The following FN1 variants were observed in gnomAD, a reference collection of about 807,000 sequenced individuals.
FN1 encodes fibronectin 1.
FN1 carries 106 observed loss-of-function variants against 297.3 expected under a neutral mutation model. The observed-to-expected ratio is 0.36, with a 90% CI of 0.30 to 0.42. The LOEUF (loss-of-function observed/expected upper bound fraction) is 0.42, where lower values mean the gene tolerates loss of function less well. Among genes scored for constraint, FN1 ranks in the 10% least tolerant of loss-of-function variants. The pLI is 1.00. For missense variants in FN1, 2,690 were observed against 3,124.9 expected (o/e 0.86, Z 3.32); for synonymous variants, 1,149 against 1,152.6 (o/e 1.00, Z 0.06).
At position 215,428,482 on chromosome 2, in the gene FN1, C is replaced by T. The variant is rs138434009; in HGVS notation, c.686-144G>A. The T allele has an allele frequency of 4.0e-5, 30 of 746,572 alleles. 1 individual carries two copies. In the Middle Eastern group the frequency reaches 9.9e-4, roughly 25 times the overall value. The allele number at this position is 746,572 out of a possible 1,614,324, so 46.2% of individuals were successfully genotyped here. On this transcript the variant is annotated intron_variant, in intron 5 of 45. Coordinates refer to ENST00000354785, the MANE Select transcript of FN1 (RefSeq NM_212482.4). ...TCAGCTCTGGTGCTGCAAGGTATTACACTTCTGAAAGATGAAATTACATTT... is the reference window on the plus strand; with the variant it reads ...TCAGCTCTGGTGCTGCAAGGTATTATACTTCTGAAAGATGAAATTACATTT...
At chr2:215,392,701 G>C (rs1246945414) in intron 25 of FN1, 1 of 573,786 alleles carries the variant, frequency 1.7e-6, no homozygotes, top group Non-Finnish European at 3.1e-6. Flanking sequence ...TATTTCTCTA[G>C]CTTTATATCT....
At position 215,370,446 on chromosome 2, in the gene FN1, T is replaced by C. The variant is rs759501699; in HGVS notation, c.6715-14A>G. The C allele has an allele frequency of 3.1e-6, 5 of 1,610,850 alleles. No individual in the cohort carries two copies. The highest frequency in any genetic ancestry group is 3.3e-4 in the Middle Eastern group (2 of 6,054). On this transcript the variant is annotated splice_polypyrimidine_tract_variant and intron_variant, in intron 40 of 45. Transcript: ENST00000354785. ...AGGAACCCTGAACTGCAATTATCGG[T>C]ACATCCAAAGCAGAGAGAAAGCATT...
At chr2:215,371,579 A>G (rs1260388977) in intron 40 of FN1, among the ~76,000 whole-genome samples, 1 of 150,516 alleles carries the variant, frequency 6.6e-6, no homozygotes, top group South Asian at 2.1e-4. Flanking sequence ...ACTCTCTGGT[A>G]TGTCCTCCAA....
rs1190478574 is a variant in FN1 at position 215,401,235 on chromosome 2, AAAGAAAGAAAGAAAGG to A, written c.3254-1900_3254-1885del. On this transcript the variant is annotated intron_variant, in intron 20 of 45. Transcript: ENST00000354785. Reference sequence around the variant, plus strand: ...GAAAGAAAGAAAGAAAGAAAGAAAGAAAGAAAGAAAGAAAGGAAGAAAGAAAGGAAGGAAAGGAAAG... The same window carrying A: ...GAAAGAAAGAAAGAAAGAAAGAAAGAAAGAAAGAAAGGAAGGAAAGGAAAG... 3.9e-3 allele frequency among the ~76,000 whole-genome samples: 229 copies of A among 58,110 alleles called. 8 individuals carry two copies. Among genetic ancestry groups the A allele is most frequent in the African/African-American group, 0.013 (194 of 14,958 alleles). The allele number at this position is 58,110 out of a possible 152,430, so 38.1% of individuals were successfully genotyped here.
chr2:215,367,853 A>AACT lies in FN1; in HGVS notation c.7018+7_7018+9dup. 1 of 1,613,814 alleles carries AACT rather than the reference A, an allele frequency of 6.2e-7. No homozygotes were observed. Among genetic ancestry groups the AACT allele is most frequent in the Non-Finnish European group, 8.5e-7 (1 of 1,179,736 alleles). On this transcript the variant is annotated intron_variant, in intron 42 of 45. Transcript: ENST00000354785. ...AAACACGGAAGTGGATGGACAAAGC[A>AACT]ACTACTCACTAGATGAATCACATCT...
At chr2:215,363,180 T>C (rs2053841555) in intron 44 of FN1, 1 of 152,206 alleles carries the variant, frequency 6.6e-6, no homozygotes. Context: ...TTTCCACTCC[T>C]GTCTTAAATG....
intron 40 of FN1, 116 bp downstream of exon 40, chr2:215,371,793 G>A (rs1019912327): frequency 3.3e-5 from 29 of 877,270 alleles, no homozygotes; most frequent in African/African-American, 2.0e-4. Flanking sequence ...GATTACAGGC[G>A]TGAGCCATCA....
chr2:215,365,090 G>A (rs968242962), intron 43 of FN1, 105 bp from the exon 44 acceptor site: 15 of 751,112 alleles, frequency 2.0e-5, no homozygotes, highest in East Asian at 1.1e-4. Flanking sequence ...TCATCACAGC[G>A]CAAACACCAC....
At position 215,394,711 on chromosome 2, in the gene FN1, C is replaced by T; in HGVS notation, c.3613G>A (p.Gly1205Ser). The T allele has an allele frequency of 6.2e-7, 1 of 1,613,512 alleles. No individual in the cohort carries two copies. Among genetic ancestry groups the T allele is most frequent in the East Asian group, 2.2e-5 (1 of 44,868 alleles). The change falls in exon 24 of 46, where the codon GGT becomes AGT. Residue 1205 changes from glycine (G) to serine (S), a missense_variant. Coordinates refer to ENST00000354785, the MANE Select transcript of FN1 (RefSeq NM_212482.4). ...GTAGGGGTTGTGGTAATTCTATAACCAGTAATGTCTGGAGAAAAAAGAAAA... is the reference window on the plus strand; with the variant it reads ...GTAGGGGTTGTGGTAATTCTATAACTAGTAATGTCTGGAGAAAAAAGAAAA... ...WERSTTPDIT[G>S]YRITTTPTNG...
At position 215,430,956 on chromosome 2, in the gene FN1, T is replaced by A. The variant is rs1361936965; in HGVS notation, c.548-104A>T. 8 of 1,171,596 alleles carry A rather than the reference T, an allele frequency of 6.8e-6. No homozygotes were observed. The East Asian group carries it at 1.8e-4, about 26-fold the overall frequency. The allele number at this position is 1,171,596 out of a possible 1,614,324, so 72.6% of individuals were successfully genotyped here. On this transcript the variant is annotated intron_variant, in intron 4 of 45. Coordinates refer to ENST00000354785, the MANE Select transcript of FN1 (RefSeq NM_212482.4). ...TGTGTAAGCAAAAATTCAGCCACAT[T>A]TTTTTTAAGTGGCACTCTGTTCAGA...
intron 44 of FN1, chr2:215,364,644 T>C (rs2054170030): frequency 6.9e-6 from 4 of 576,442 alleles, no homozygotes; most frequent in Non-Finnish European, 1.2e-5. Flanking sequence ...TTTTTGGTAC[T>C]CTACATGCCA....
rs1254373424 is a variant in FN1 at position 215,381,048 on chromosome 2, C to T, written c.5197G>A (p.Asp1733Asn). Residue 1733 changes from aspartate (D) to asparagine (N), a missense_variant, in exon 33 of 46, where the codon GAT becomes AAT. This residue lies in a region of FN1 where 1,743 missense variants were observed against 1,945.2 expected (regional missense o/e 0.90). Coordinates refer to ENST00000354785, the MANE Select transcript of FN1 (RefSeq NM_212482.4). Reference protein sequence around the residue: ...IDRPKGLAFTDVDVDSIKIAW... With the variant: ...IDRPKGLAFTNVDVDSIKIAW... Reference sequence around the variant, plus strand: ...ATTTTGATGGAATCGACATCCACATCAGTGAATGCCAGTCCTTTAGGGCGA... The same window carrying T: ...ATTTTGATGGAATCGACATCCACATTAGTGAATGCCAGTCCTTTAGGGCGA... 1.9e-6 allele frequency: 3 copies of T among 1,614,000 alleles called. No homozygotes were observed. The highest frequency in any genetic ancestry group is 3.3e-4 in the Middle Eastern group (2 of 6,084).
rs535490073 is a variant in FN1, at chr2:215,371,988, A to T, written c.6635T>A (p.Ile2212Asn). The change falls in exon 40 of 46, where the codon ATC becomes AAC. Residue 2212 changes from isoleucine (I) to asparagine (N), a missense_variant. Transcript: ENST00000354785. ...TGQEALSQTT[I>N]SWAPFQDTSE... ...AGTGTCCTGGAATGGGGCCCATGAG[A>T]TGGTTGTCTGAGAGAGAGCTTCTTG... is the stretch of plus-strand genomic sequence containing the variant. 1 of 1,614,188 alleles carries T rather than the reference A, an allele frequency of 6.2e-7. No homozygotes were observed. The highest frequency in any genetic ancestry group is 1.1e-5 in the South Asian group (1 of 91,080).
intron 44 of FN1, among the ~76,000 whole-genome samples, chr2:215,363,933 C>A (rs1437196935): frequency 1.3e-5 from 2 of 152,204 alleles, no homozygotes; most frequent in Non-Finnish European, 2.9e-5. Flanking sequence ...TACCAGAAGA[C>A]AGCAGGCAGA....
chr2:215,433,742 C>T (rs1559619146), intron 2 of FN1, among the ~76,000 whole-genome samples: 1 of 152,194 alleles, frequency 6.6e-6, no homozygotes, highest in Admixed American at 6.5e-5. Flanking sequence ...TATGACAGAG[C>T]TAGATTTGTG....
chr2:215,424,238 G>A lies in FN1; in HGVS notation c.1124C>T (p.Thr375Ile), dbSNP rs202166272. ...TYNGRTFYSC[T>I]TEGRQDGHLW... Reference sequence around the variant, plus strand: ...ATGTCCGTCCTGTCGCCCTTCTGTGGTGCAGGAGTAGAACGTCCTGCCATT... The same window carrying A: ...ATGTCCGTCCTGTCGCCCTTCTGTGATGCAGGAGTAGAACGTCCTGCCATT... The change falls in exon 8 of 46, where the codon ACC (threonine) becomes ATC (isoleucine). Residue 375 changes from threonine to isoleucine, a missense_variant. This residue lies in a region of FN1 where 876 missense variants were observed against 1,058.1 expected (regional missense o/e 0.83). Transcript: ENST00000354785. The A allele has an allele frequency of 1.9e-6, 3 of 1,613,974 alleles. No homozygotes were observed. Among genetic ancestry groups the A allele is most frequent in the Non-Finnish European group, 2.5e-6 (3 of 1,179,960 alleles).
chr2:215,365,681 T>A (rs1248348382), intron 42 of FN1, 51 bp from the exon 43 acceptor site: 2 of 1,595,024 alleles, frequency 1.3e-6, no homozygotes, highest in Non-Finnish European at 1.7e-6. Flanking sequence ...ATATTCTGAC[T>A]CACAAGACAG....
intron 13 of FN1, 144 bp downstream of exon 13, chr2:215,414,693 T>C (rs958944343): frequency 6.9e-7 from 1 of 1,442,004 alleles, no homozygotes; most frequent in Non-Finnish European, 9.1e-7. Flanking sequence ...TGACCACATA[T>C]TGTTTGTTCA....
intron 26 of FN1, among the ~76,000 whole-genome samples, chr2:215,389,309 A>G (rs12694363): frequency 0.55 from 83,928 of 151,746 alleles, 24,417 homozygotes; most frequent in Non-Finnish European, 0.65. Flanking sequence ...TCACCGTGTT[A>G]ACCAGGCTTG....
Sources: allele counts gnomAD v4.1 joint callset (sites outside exome capture counted in the v4.1 genomes callset), GRCh38; gene constraint gnomAD v4.1.1; regional missense constraint gnomAD v4.1.1; transcripts MANE v1.5; gene names NCBI Gene and HGNC (gene_info 2026-07-23, HGNC 2026-07-21).